The following CDK5RAP1 variants were observed in gnomAD, a reference collection of about 807,000 sequenced individuals.
CDK5RAP1 encodes CDK5RAP1 mitochondrial tRNA methylthiotransferase.
In CDK5RAP1, 62 loss-of-function variants were observed where a neutral mutation model predicts 64.5. That is an observed-to-expected ratio of 0.96 (90% CI 0.78 to 1.19). The LOEUF (loss-of-function observed/expected upper bound fraction) is 1.19, where lower values mean the gene tolerates loss of function less well. Among genes scored for constraint, CDK5RAP1 ranks in the 50% most tolerant of loss-of-function variants. The probability of loss-of-function intolerance (pLI) is 0.00; values close to 1 mark genes in which losing one functional copy is unlikely to be tolerated. For missense variants in CDK5RAP1, 657 were observed against 735.0 expected (o/e 0.89, Z 1.23); for synonymous variants, 250 against 261.9 (o/e 0.95, Z 0.44).
At chr20:33,386,649 G>A (rs991582364) in intron 6 of CDK5RAP1, among the ~76,000 whole-genome samples, 2 of 151,858 alleles carry the variant, frequency 1.3e-5, no homozygotes, top group Non-Finnish European at 2.9e-5. Context: ...AAATAATTAC[G>A]GCTATGTATC....
chr20:33,369,268 G>T (rs565008268), intron 11 of CDK5RAP1, among the ~76,000 whole-genome samples: 3 of 152,286 alleles, frequency 2.0e-5, no homozygotes, highest in African/African-American at 7.2e-5. Context: ...CAGATCACGA[G>T]GTCAGGAGAT....
At chr20:33,396,070 G>A (rs779775084) in intron 2 of CDK5RAP1, among the ~76,000 whole-genome samples, 3 of 152,106 alleles carry the variant, frequency 2.0e-5, no homozygotes, top group African/African-American at 4.8e-5. Context: ...AGCCTGAAGG[G>A]AAAATAAGTT....
At chr20:33,391,226 G>A (rs1322148011) in intron 5 of CDK5RAP1, among the ~76,000 whole-genome samples, 1 of 141,210 alleles carries the variant, frequency 7.1e-6, no homozygotes, top group African/African-American at 2.7e-5. Context: ...TCCAGTCTGG[G>A]CAACAGTGTG....
At chr20:33,364,994 T>A (rs1160442628) in intron 12 of CDK5RAP1, among the ~76,000 whole-genome samples, 1 of 151,636 alleles carries the variant, frequency 6.6e-6, no homozygotes. Flanking sequence ...ATTCAAGCAA[T>A]CTTCTCACAT....
At chr20:33,397,426 A>C (rs1318042632) in intron 1 of CDK5RAP1, among the ~76,000 whole-genome samples, 4 of 152,202 alleles carry the variant, frequency 2.6e-5, no homozygotes, top group Non-Finnish European at 4.4e-5. Context: ...TCTTTACAGC[A>C]ATCCTAGGAA....
intron 5 of CDK5RAP1, among the ~76,000 whole-genome samples, chr20:33,388,906 T>C (rs1425913279): frequency 2.0e-5 from 3 of 152,174 alleles, no homozygotes; most frequent in Admixed American, 6.5e-5. Flanking sequence ...GGATTGCAGA[T>C]GGAGTCTCGT....
In CDK5RAP1 at chr20:33,358,916, A is replaced by G; in HGVS notation, c.*127T>C. The G allele has an allele frequency of 1.5e-6, 1 of 680,714 alleles. No individual in the cohort carries two copies. The highest frequency in any genetic ancestry group is 1.8e-5 in the South Asian group (1 of 56,282). The allele number at this position is 680,714 out of a possible 1,614,324, so 42.2% of individuals were successfully genotyped here. Reference sequence around the variant, plus strand: ...CTTTAAAGAGACACGTTTTCCACTGACATAAAGTTGCTTCGCCCCTTGCAG... The same window carrying G: ...CTTTAAAGAGACACGTTTTCCACTGGCATAAAGTTGCTTCGCCCCTTGCAG... On this transcript the variant is annotated 3_prime_UTR_variant, in exon 14 of 14. Coordinates refer to ENST00000346416, the MANE Select transcript of CDK5RAP1 (RefSeq NM_016408.4).
intron 8 of CDK5RAP1, among the ~76,000 whole-genome samples, chr20:33,374,731 C>T (rs1475488234): frequency 6.6e-6 from 1 of 151,774 alleles, no homozygotes. Flanking sequence ...ACCTGGCTAA[C>T]TTTTGTATTT....
chr20:33,393,737 T>C (rs1988594019), intron 4 of CDK5RAP1, among the ~76,000 whole-genome samples: 2 of 152,164 alleles, frequency 1.3e-5, no homozygotes, highest in South Asian at 4.1e-4. Flanking sequence ...CAGGAAGAGC[T>C]GAGTGGCTCG....
intron 8 of CDK5RAP1, among the ~76,000 whole-genome samples, chr20:33,375,401 CA>C (rs200212971): frequency 0.028 from 1,589 of 57,436 alleles, 18 homozygotes; most frequent in Admixed American, 0.085. Flanking sequence ...GACTCCATCT[CA>C]AAAAAAAAAA....
At chr20:33,390,442 T>C (rs1988187398) in intron 5 of CDK5RAP1, among the ~76,000 whole-genome samples, 2 of 151,936 alleles carry the variant, frequency 1.3e-5, no homozygotes, top group African/African-American at 4.8e-5. Context: ...GAAAGTAGAA[T>C]GGTGATTGCC....
intron 5 of CDK5RAP1, among the ~76,000 whole-genome samples, chr20:33,388,613 G>GTCTCCCTCTCTTTCCACTGTCTCCC (rs1359178652): frequency 2.4e-5 from 3 of 125,694 alleles, no homozygotes; most frequent in African/African-American, 8.9e-5. Context: ...CACAGTCTCC[G>GTCTCCCTCTCTTTCCACTGTCTCCC]TCTCCCTCTC....
intron 8 of CDK5RAP1, among the ~76,000 whole-genome samples, chr20:33,376,013 A>C (rs986078315): frequency 1.3e-5 from 2 of 152,190 alleles, no homozygotes; most frequent in African/African-American, 4.8e-5. Flanking sequence ...ATGTGCCACC[A>C]TGCCCAGCTA....
rs753422405 is a variant in CDK5RAP1 at position 33,370,612 on chromosome 20, C to T, written c.1279G>A (p.Asp427Asn). 6.8e-6 allele frequency: 11 copies of T among 1,614,076 alleles called. No homozygotes were observed. The Admixed American group carries it at 1.2e-4, about 17-fold the overall frequency. ...TCACCACAAAAGCCAGCAATGAAAT[C>T]GCTGCTGAGGCTCACACCTGTGATA... ...ESIPGVSLSS[D>N]FIAGFCGETE... The change falls in exon 11 of 14, where the codon GAT (aspartate) becomes AAT (asparagine). Residue 427 changes from aspartate (D) to asparagine (N), a missense_variant. Physicochemically the swap from Asp to Asn is conservative, Grantham distance 23. Coordinates refer to ENST00000346416, the MANE Select transcript of CDK5RAP1 (RefSeq NM_016408.4).
intron 8 of CDK5RAP1, 130 bp downstream of exon 8, chr20:33,379,331 G>C: frequency 1.5e-6 from 1 of 646,396 alleles, no homozygotes. Context: ...CAGATCTGGA[G>C]GGTGATGCAG....
rs1982405127 is a variant in CDK5RAP1 at position 33,358,984 on chromosome 20, T to C, written c.*59A>G. 2.4e-6 allele frequency: 3 copies of C among 1,244,616 alleles called. No homozygotes were observed. Among genetic ancestry groups the C allele is most frequent in the East Asian group, 2.3e-5 (1 of 43,062 alleles). The allele number at this position is 1,244,616 out of a possible 1,614,324, so 77.1% of individuals were successfully genotyped here. ...GACCTGTTTCCTCAGTGGCAGGCAA[T>C]GTCTCCCCTTCCTGTTGGGGAGGAT... On this transcript the variant is annotated 3_prime_UTR_variant, in exon 14 of 14. Coordinates refer to ENST00000346416, the MANE Select transcript of CDK5RAP1 (RefSeq NM_016408.4).
At chr20:33,388,547 CCCCTCTCCCTCT>C (rs1470109062) in intron 5 of CDK5RAP1, among the ~76,000 whole-genome samples, 2 of 79,064 alleles carry the variant, frequency 2.5e-5, no homozygotes, top group African/African-American at 1.0e-4. Flanking sequence ...TCTCCCTCTC[CCCCTCTCCCTCT>C]CCCTCTCCCT....
At chr20:33,367,268 T>C (rs1984161182) in intron 11 of CDK5RAP1, among the ~76,000 whole-genome samples, 1 of 152,230 alleles carries the variant, frequency 6.6e-6, no homozygotes, top group African/African-American at 2.4e-5. Context: ...TTGATATTTA[T>C]CCTAACGTTA....
chr20:33,370,240 T>G (rs559834403), intron 11 of CDK5RAP1, among the ~76,000 whole-genome samples: 1 of 152,294 alleles, frequency 6.6e-6, no homozygotes, highest in Non-Finnish European at 1.5e-5. Context: ...TCCTTCCATA[T>G]TCAAATTGCA....
Sources: gnomAD v4.1 joint callset for allele counts (sites outside exome capture counted in the v4.1 genomes callset) on GRCh38, gnomAD v4.1.1 for gene constraint, MANE v1.5 for transcripts, NCBI Gene and HGNC (gene_info 2026-07-23, HGNC 2026-07-21) for gene names.